The following KCNU1 variants were observed in gnomAD, a reference collection of about 807,000 sequenced individuals.
KCNU1 encodes potassium calcium-activated channel subfamily U member 1.
KCNU1 carries 93 observed loss-of-function variants against 126.8 expected under a neutral mutation model. The observed-to-expected ratio is 0.73, with a 90% CI of 0.62 to 0.87. The LOEUF (loss-of-function observed/expected upper bound fraction) is 0.87. Ranked by LOEUF, KCNU1 falls within the 40% of genes least tolerant of loss-of-function variation. The pLI is 0.00. For synonymous variants in KCNU1, 523 were observed against 494.2 expected, an observed-to-expected ratio of 1.06 and a Z score of -0.77; for missense variants, 1,330 against 1,367.1, an observed-to-expected ratio of 0.97 and a Z score of 0.43.
chr8:36,895,210 C>G (rs1039719133), intron 19 of KCNU1, among the ~76,000 whole-genome samples: 1 of 151,884 alleles, frequency 6.6e-6, no homozygotes, highest in African/African-American at 2.4e-5. Flanking sequence ...TTCCAAGTAA[C>G]TGGGATTACA....
chr8:36,801,614 C>T (rs1266466947), intron 2 of KCNU1, among the ~76,000 whole-genome samples: 1 of 151,698 alleles, frequency 6.6e-6, no homozygotes, highest in Non-Finnish European at 1.5e-5. Context: ...TAAAGAAAAG[C>T]AAAAGGATTT....
At position 36,910,964 on chromosome 8, in the gene KCNU1, C is replaced by A; in HGVS notation, c.2366C>A (p.Ala789Asp). The A allele has an allele frequency of 6.2e-7, 1 of 1,613,172 alleles. No homozygotes were observed. The highest frequency in any genetic ancestry group is 8.5e-7 in the Non-Finnish European group (1 of 1,179,490). ...CTTTATTCTGGAGACCTCCATGCGG[C>A]CAACATAGAGCAATGCTCCATGTGT... ...CALYSGDLHAANIEQCSMCAV... is the reference protein window; with the variant it reads ...CALYSGDLHADNIEQCSMCAV... Residue 789 changes from alanine to aspartate, a missense_variant, in exon 22 of 27, where the codon GCC becomes GAC. Coordinates refer to ENST00000399881, the MANE Select transcript of KCNU1 (RefSeq NM_001031836.3).
In KCNU1 at chr8:36,804,029, G is replaced by A. The variant is rs1189386913; in HGVS notation, c.318G>A (p.Val106=). 6.4e-7 allele frequency: 1 copy of A among 1,552,974 alleles called. No individual in the cohort carries two copies. The highest frequency in any genetic ancestry group is 2.3e-5 in the East Asian group (1 of 42,572). ...SAQTFVGQVL[V]ILVFVLSIGS... The stretch of plus-strand genomic sequence containing the variant: ...TTGTCCCTGTTTTTCATTTTCAGGT[G>A]ATCCTTGTCTTTGTACTAAGCATTG... Residue 106 remains valine (V), a splice_region_variant and synonymous_variant, in exon 3 of 27, where the codon GTG becomes GTA. Transcript: ENST00000399881.
intron 14 of KCNU1, among the ~76,000 whole-genome samples, chr8:36,837,234 A>G (rs1804784566): frequency 6.6e-6 from 1 of 152,172 alleles, no homozygotes; most frequent in Admixed American, 6.5e-5. Context: ...ATCAAAGTAC[A>G]TTCATCAAAG....
At chr8:36,882,027 G>T (rs115534563) in intron 19 of KCNU1, among the ~76,000 whole-genome samples, 2,429 of 152,174 alleles carry the variant, frequency 0.016, 72 homozygotes, top group African/African-American at 0.054. Flanking sequence ...TCTTAAAAGT[G>T]CTACCTTACT....
chr8:36,845,795 T>C lies in KCNU1; in HGVS notation c.1794-7T>C. On this transcript the variant is annotated splice_region_variant and splice_polypyrimidine_tract_variant and intron_variant, in intron 17 of 26. Coordinates refer to ENST00000399881, the MANE Select transcript of KCNU1 (RefSeq NM_001031836.3). ...TAATTCATTCTTGGTTTTCTTTCAT[T>C]GTCCAGAGCCTTGTTTTACTGTTCA... The C allele has an allele frequency of 1.3e-6, 2 of 1,598,934 alleles. No individual in the cohort carries two copies. Among genetic ancestry groups the C allele is most frequent in the Non-Finnish European group, 1.7e-6 (2 of 1,167,484 alleles).
intron 24 of KCNU1, chr8:36,929,070 G>T (rs1170087978): frequency 1.4e-6 from 1 of 693,288 alleles, no homozygotes; most frequent in Non-Finnish European, 2.6e-6. Context: ...CAACTTTAAA[G>T]ATTATAAAAC....
rs1162855352 is a variant in KCNU1, at chr8:36,910,976, A to G, written c.2378A>G (p.Gln793Arg). The change falls in exon 22 of 27, where the codon CAA becomes CGA. Residue 793 changes from glutamine (Q) to arginine (R), a missense_variant. Coordinates refer to ENST00000399881, the MANE Select transcript of KCNU1 (RefSeq NM_001031836.3). ...GACCTCCATGCGGCCAACATAGAGC[A>G]ATGCTCCATGTGTGCTGTCTTGTCC... The part of the protein sequence containing the change: ...SGDLHAANIE[Q>R]CSMCAVLSPP... 5 of 1,613,524 alleles carry G rather than the reference A, an allele frequency of 3.1e-6. No homozygotes were observed. The African/African-American group carries it at 6.7e-5, about 22-fold the overall frequency.
chr8:36,857,405 A>T (rs1805565132), intron 18 of KCNU1, among the ~76,000 whole-genome samples: 1 of 152,178 alleles, frequency 6.6e-6, no homozygotes, highest in South Asian at 2.1e-4. Context: ...ACAGGGACAT[A>T]GCACAGCATT....
intron 25 of KCNU1, among the ~76,000 whole-genome samples, chr8:36,931,701 C>G (rs925845163): frequency 2.0e-5 from 3 of 151,984 alleles, no homozygotes; most frequent in African/African-American, 4.8e-5. Flanking sequence ...TGCCTACTCT[C>G]CCTATACTTA....
chr8:36,829,757 G>A (rs1804461761), intron 10 of KCNU1, among the ~76,000 whole-genome samples: 1 of 150,834 alleles, frequency 6.6e-6, no homozygotes, highest in Admixed American at 6.6e-5. Flanking sequence ...TACTATGCTG[G>A]GTTTATTCAT....
intron 19 of KCNU1, among the ~76,000 whole-genome samples, chr8:36,905,043 G>A (rs980023860): frequency 3.9e-5 from 6 of 151,966 alleles, no homozygotes; most frequent in African/African-American, 1.5e-4. Flanking sequence ...GATGAAAGTG[G>A]GATTTTTCAA....
intron 2 of KCNU1, among the ~76,000 whole-genome samples, chr8:36,790,399 G>C (rs1456513381): frequency 2.0e-5 from 3 of 151,212 alleles, no homozygotes; most frequent in African/African-American, 4.9e-5. Flanking sequence ...TTAAAAGATA[G>C]TTAGAAATTA....
At chr8:36,830,170 A>G (rs1203164638) in intron 10 of KCNU1, among the ~76,000 whole-genome samples, 1 of 150,810 alleles carries the variant, frequency 6.6e-6, no homozygotes, top group African/African-American at 2.4e-5. Flanking sequence ...TAAAACATAA[A>G]TTGTACACAT....
At chr8:36,933,471 C>A (rs1808761744) in intron 26 of KCNU1, among the ~76,000 whole-genome samples, 2 of 152,076 alleles carry the variant, frequency 1.3e-5, no homozygotes, top group African/African-American at 4.8e-5. Context: ...ACATATAAAT[C>A]ATGGGGGTGA....
chr8:36,876,150 C>A (rs1806270650), intron 19 of KCNU1, among the ~76,000 whole-genome samples: 1 of 152,146 alleles, frequency 6.6e-6, no homozygotes, highest in South Asian at 2.1e-4. Context: ...AGGTCCCACT[C>A]AAACTAATCG....
chr8:36,801,805 G>T (rs966360367), intron 2 of KCNU1, among the ~76,000 whole-genome samples: 4 of 151,884 alleles, frequency 2.6e-5, no homozygotes, highest in African/African-American at 9.7e-5. Flanking sequence ...ACTTAACCTA[G>T]ATTTTTAAAA....
intron 10 of KCNU1, among the ~76,000 whole-genome samples, chr8:36,825,940 G>A (rs1804302926): frequency 6.6e-6 from 1 of 151,914 alleles, no homozygotes; most frequent in Non-Finnish European, 1.5e-5. Flanking sequence ...TTTTTCAAAG[G>A]TCATACATTT....
At chr8:36,818,743 A>T (rs1298972211) in intron 10 of KCNU1, among the ~76,000 whole-genome samples, 1 of 152,162 alleles carries the variant, frequency 6.6e-6, no homozygotes, top group Non-Finnish European at 1.5e-5. Context: ...GGCACTGTGT[A>T]GTTGAGCACT....
Sources: allele counts gnomAD v4.1 joint callset (sites outside exome capture counted in the v4.1 genomes callset), GRCh38; gene constraint gnomAD v4.1.1; transcripts MANE v1.5; gene names NCBI Gene and HGNC (gene_info 2026-07-23, HGNC 2026-07-21).